Variants in MED24 observed in about 807,000 individuals in gnomAD.
The protein encoded by MED24 is mediator complex subunit 24, also known as mediator of RNA polymerase II transcription subunit 24.
MED24 carries 74 observed loss-of-function variants against 118.8 expected under a neutral mutation model. The ratio of observed to expected loss-of-function variants is 0.62; its 90% confidence interval spans 0.52 to 0.76. The LOEUF (loss-of-function observed/expected upper bound fraction) is 0.76, where lower values mean the gene tolerates loss of function less well. Ranked by LOEUF, MED24 falls within the 30% of genes least tolerant of loss-of-function variation. MED24 has a pLI of 0.00. For missense variants in MED24, 1,041 were observed against 1,278.9 expected (o/e 0.81, Z 2.84); for synonymous variants, 521 against 523.9 (o/e 0.99, Z 0.08).
intron 19 of MED24, among the ~76,000 whole-genome samples, chr17:40,024,115 C>CG (rs968305135): frequency 1.8e-4 from 27 of 151,582 alleles, no homozygotes; most frequent in Non-Finnish European, 2.9e-4. Context: ...CTTGGTAGGG[C>CG]GGGGGGGAAG....
chr17:40,035,583 A>G, intron 5 of MED24, 139 bp downstream of exon 5: 1 of 939,018 alleles, frequency 1.1e-6, no homozygotes, highest in Non-Finnish European at 1.6e-6. Flanking sequence ...AGGAGGGCAC[A>G]GGTAAGTGTA....
Position 40,026,197 on chromosome 17 carries a change from C to T in MED24, c.1944G>A (p.Gly648=), listed in dbSNP as rs146321670. The stretch of plus-strand genomic sequence containing the variant: ...GCAGGGTGTTCTCACTAAACAGTGG[C>T]CCTGCCAGCTGGCGGATCATCTGCA... ...KSLQMIRQLA[G]PLFSENTLQF... is the part of the protein sequence containing the mutation. The change falls in exon 19 of 26, where the codon GGG becomes GGA. Residue 648 remains glycine (G), a synonymous_variant. Transcript: ENST00000394128. The T allele has an allele frequency of 1.4e-3, 2,286 of 1,614,224 alleles. 3 individuals are homozygous for T. Among genetic ancestry groups the T allele is most frequent in the Middle Eastern group, 1.8e-3 (11 of 6,062 alleles).
intron 20 of MED24, 132 bp from the exon 21 acceptor site, chr17:40,022,958 C>T (rs1982211504): frequency 1.5e-6 from 2 of 1,345,786 alleles, no homozygotes; most frequent in Non-Finnish European, 2.0e-6. Flanking sequence ...GCCCCTCAGG[C>T]TGAATCCCAG....
intron 3 of MED24, among the ~76,000 whole-genome samples, chr17:40,045,305 C>A (rs1271067728): frequency 6.6e-6 from 1 of 151,864 alleles, no homozygotes; most frequent in African/African-American, 2.4e-5. Flanking sequence ...AAAAATGGGC[C>A]AGGTGTGGTG....
chr17:40,032,456 C>T (rs1181217148), intron 9 of MED24, 193 bp downstream of exon 9: 18 of 583,260 alleles, frequency 3.1e-5, no homozygotes, highest in Admixed American at 1.5e-4. Context: ...TAAGAAACAA[C>T]GGAGTCTGCC....
intron 11 of MED24, 140 bp downstream of exon 11, chr17:40,031,398 A>G (rs1005852622): frequency 8.3e-7 from 1 of 1,211,658 alleles, no homozygotes; most frequent in South Asian, 1.3e-5. Flanking sequence ...GGACTTGGCA[A>G]CTGTGGGCTC....
intron 22 of MED24, 24 bp downstream of exon 22, chr17:40,022,370 G>T (rs180904097): frequency 3.1e-6 from 5 of 1,589,312 alleles, no homozygotes; most frequent in Admixed American, 1.8e-5. Context: ...AAGTGAAGCC[G>T]GCGAGGGCAG....
At chr17:40,037,340 C>G (rs944489571) in intron 3 of MED24, among the ~76,000 whole-genome samples, 2 of 152,096 alleles carry the variant, frequency 1.3e-5, no homozygotes, top group Non-Finnish European at 2.9e-5. Context: ...CTGATCAACC[C>G]CAACCTCCCC....
intron 3 of MED24, among the ~76,000 whole-genome samples, chr17:40,038,046 G>A (rs1220390073): frequency 2.0e-5 from 3 of 152,132 alleles, no homozygotes; most frequent in East Asian, 3.8e-4. Context: ...CGTATACAAT[G>A]AGAATCTCTA....
chr17:40,022,679 T>A lies in MED24; in HGVS notation c.2398A>T (p.Ser800Cys). ...GLLTDSSKWH[S>C]LMDPPGTALA... ...GCAGTGCCCGGGGGGTCCATGAGGC[T>A]GTGCCACTTGGAGGAGTCAGTGAGC... Residue 800 changes from serine (S) to cysteine (C), a missense_variant, in exon 21 of 26, where the codon AGC (serine) becomes TGC (cysteine). By Grantham distance (112) the Ser-to-Cys change is moderately radical. Coordinates refer to ENST00000394128, the MANE Select transcript of MED24 (RefSeq NM_014815.4). The A allele has an allele frequency of 6.2e-7, 1 of 1,613,822 alleles. No homozygotes were observed.
rs867715374 is a variant in MED24, at chr17:40,046,562, G to A, written c.213+6736C>T. ...AGATCGAGACCATCCCGGCTAAAACGGTGAAACCCCGTCTCTACTAAAAAA... is the reference window on the plus strand; with the variant it reads ...AGATCGAGACCATCCCGGCTAAAACAGTGAAACCCCGTCTCTACTAAAAAA... On this transcript the variant is annotated intron_variant, in intron 3 of 25. Transcript: ENST00000394128. 5.9e-3 allele frequency among the ~76,000 whole-genome samples: 851 copies of A among 145,386 alleles called. 5 individuals are homozygous for A. The highest frequency in any genetic ancestry group is 0.017 in the Middle Eastern group (4 of 240).
Position 40,033,856 on chromosome 17 carries a change from G to GCAA in MED24, c.560-401_560-400insTTG. ...CTTGCAGAGGCTGTCACTCTCCTCT[G>GCAA]GGGGAACTGGGTCCCTAAATGGCTT... On this transcript the variant is annotated intron_variant, in intron 6 of 25. Transcript: ENST00000394128. This position sits in a 1 kb window ranked among gnomAD's most constrained non-coding sequence, Gnocchi z 5.2. 2.4e-6 allele frequency: 1 copy of GCAA among 416,582 alleles called. No homozygotes were observed. The highest frequency in any genetic ancestry group is 1.7e-5 in the South Asian group (1 of 57,624). 25.8% of individuals were successfully genotyped at this position (416,582 alleles called of 1,614,324 possible). A position where few individuals can be genotyped will look rare whatever the true frequency, so the allele number is the denominator to read the frequency against.
At chr17:40,051,643 C>T (rs1043624995) in intron 3 of MED24, among the ~76,000 whole-genome samples, 5 of 151,954 alleles carry the variant, frequency 3.3e-5, no homozygotes, top group Non-Finnish European at 5.9e-5. Context: ...AAAAATAAGG[C>T]TGGGCGTGGT....
At position 40,046,745 on chromosome 17, in the gene MED24, CA is replaced by C. The variant is rs199580604; in HGVS notation, c.213+6552del. On this transcript the variant is annotated intron_variant, in intron 3 of 25. Transcript: ENST00000394128. ...TGGGCGACAGAGCGAGACTCCGTCT[CA>C]AAAAAAAACAAGAAGAAGAAGAATG... Among the ~76,000 whole-genome samples, 359 of 147,162 alleles carry C rather than the reference CA, an allele frequency of 2.4e-3. 1 individual carries two copies. Among genetic ancestry groups the C allele is most frequent in the Admixed American group, 4.0e-3 (59 of 14,616 alleles).
rs2145013745 is a variant in MED24, at chr17:40,053,548, G to A, written c.51C>T (p.Arg17=). 5 of 1,614,160 alleles carry A rather than the reference G, an allele frequency of 3.1e-6. No individual in the cohort carries two copies. The highest frequency in any genetic ancestry group is 4.2e-6 in the Non-Finnish European group (5 of 1,180,038). Residue 17 remains arginine (R), a synonymous_variant, in exon 2 of 26, where the codon CGC becomes CGT. Transcript: ENST00000394128. ...TGATTGCCCATTGGTAGTCACTCCA[G>A]CGCTCCTTCCAGGCTTGCAAAATGG... ...KQAILQAWKE[R]WSDYQWAINM... is the part of the protein sequence containing the mutation.
chr17:40,051,136 CAAAAAAAAAA>C (rs1224890104), intron 3 of MED24, among the ~76,000 whole-genome samples: 1 of 81,762 alleles, frequency 1.2e-5, no homozygotes, highest in East Asian at 3.7e-4. Flanking sequence ...GACTCTGTCT[CAAAAAAAAAA>C]AAAAAAAAAA....
chr17:40,042,732 C>T (rs1261863103), intron 3 of MED24, among the ~76,000 whole-genome samples: 4 of 151,994 alleles, frequency 2.6e-5, no homozygotes, highest in African/African-American at 9.7e-5. Flanking sequence ...AAAAAATGGA[C>T]CCTTGTGTAC....
At chr17:40,048,035 TC>T (rs1985436223) in intron 3 of MED24, among the ~76,000 whole-genome samples, 1 of 152,272 alleles carries the variant, frequency 6.6e-6, no homozygotes. Context: ...CAGCGCAAGA[TC>T]TTTGTATGTT....
intron 3 of MED24, among the ~76,000 whole-genome samples, chr17:40,051,174 G>A (rs888972835): frequency 1.3e-5 from 2 of 150,396 alleles, no homozygotes; most frequent in Admixed American, 1.3e-4. Flanking sequence ...TGCCAGGATT[G>A]GTGGTGGGCG....
Sources: allele counts gnomAD v4.1 joint callset (sites outside exome capture counted in the v4.1 genomes callset), GRCh38; gene constraint gnomAD v4.1.1; non-coding constraint Gnocchi (gnomAD v3.1); transcripts MANE v1.5; gene names NCBI Gene and HGNC (gene_info 2026-07-23, HGNC 2026-07-21).